Variants in PHAX observed in about 807,000 individuals in gnomAD.
PHAX encodes phosphorylated adapter RNA export protein.
In PHAX, 31 loss-of-function variants were observed where a neutral mutation model predicts 41.6. That is an observed-to-expected ratio of 0.75 (90% CI 0.56 to 1.01). The LOEUF (loss-of-function observed/expected upper bound fraction) is 1.01, where lower values mean the gene tolerates loss of function less well. PHAX is among the 50% of genes least tolerant of loss of function. The probability of loss-of-function intolerance (pLI) is 0.00; values close to 1 mark genes in which losing one functional copy is unlikely to be tolerated. For missense variants in PHAX, 453 were observed against 472.9 expected (o/e 0.96, Z 0.39); for synonymous variants, 175 against 164.9 (o/e 1.06, Z -0.47).
At chr5:126,606,552 G>A (rs1751989752) in intron 2 of PHAX, among the ~76,000 whole-genome samples, 1 of 152,154 alleles carries the variant, frequency 6.6e-6, no homozygotes, top group African/African-American at 2.4e-5. Flanking sequence ...GTGTATATAT[G>A]CATATATTCA....
At chr5:126,612,626 G>A (rs140707240) in intron 3 of PHAX, among the ~76,000 whole-genome samples, 1,535 of 152,166 alleles carry the variant, frequency 0.01, 9 homozygotes, top group Non-Finnish European at 0.013. Flanking sequence ...GTTTGAACCC[G>A]GGAGGTGGAG....
At chr5:126,601,197 T>A in intron 1 of PHAX, 139 bp downstream of exon 1, 1 of 619,568 alleles carries the variant, frequency 1.6e-6, no homozygotes. Context: ...GTCGGGTCAG[T>A]GGCCGCAGAA....
chr5:126,616,003 A>AC (rs1647263461), intron 3 of PHAX, among the ~76,000 whole-genome samples: 2 of 151,758 alleles, frequency 1.3e-5, no homozygotes, highest in Admixed American at 1.3e-4. Context: ...TGTGAATCCA[A>AC]CATAATATTT....
intron 3 of PHAX, among the ~76,000 whole-genome samples, chr5:126,610,738 G>T (rs1401263315): frequency 1.3e-5 from 2 of 152,092 alleles, no homozygotes; most frequent in Non-Finnish European, 2.9e-5. Flanking sequence ...ACACAGTCTG[G>T]CTCTCTTGCC....
chr5:126,609,045 G>A (rs767157942), intron 3 of PHAX, among the ~76,000 whole-genome samples: 3 of 148,648 alleles, frequency 2.0e-5, no homozygotes, highest in South Asian at 2.1e-4. Flanking sequence ...GCCTGTTGCC[G>A]TATAGTCACC....
At position 126,626,185 on chromosome 5, in the gene PHAX, A is replaced by G. The variant is rs1165778449; in HGVS notation, c.*1341A>G. The G allele has an allele frequency of 6.6e-6, 1 of 152,120 alleles. No homozygotes were observed. The highest frequency in any genetic ancestry group is 1.5e-5 in the Non-Finnish European group (1 of 68,070). 9.4% of individuals were successfully genotyped at this position (152,120 alleles called of 1,614,324 possible). ...GCTTGAGCCCAGGAGTTTGAGACCA[A>G]TCTAGGCAATGTAGTGAGACCCTGT... On this transcript the variant is annotated 3_prime_UTR_variant, in exon 5 of 5. Transcript: ENST00000297540.
intron 4 of PHAX, among the ~76,000 whole-genome samples, chr5:126,621,585 G>A (rs1210877539): frequency 6.6e-6 from 1 of 152,164 alleles, no homozygotes; most frequent in Non-Finnish European, 1.5e-5. Context: ...GTCACCATAT[G>A]TAGAACTTAG....
At position 126,603,584 on chromosome 5, in the gene PHAX, C is replaced by T. The variant is rs1353292283; in HGVS notation, c.111C>T (p.Gly37=). ...TTCACTTGCAGAAAGTGCTAGGTGG[C>T]GACAGTGCTATGAGGGCCTTCCAGA... is the stretch of plus-strand genomic sequence containing the variant. ...RPLQLPKVLG[G]DSAMRAFQNT... Residue 37 remains glycine, a synonymous_variant, in exon 2 of 5, where the codon GGC becomes GGT. Transcript: ENST00000297540. The T allele has an allele frequency of 1.2e-6, 2 of 1,607,132 alleles. No individual in the cohort carries two copies. The highest frequency in any genetic ancestry group is 8.5e-7 in the Non-Finnish European group (1 of 1,174,424).
At chr5:126,614,293 T>A (rs1473768757) in intron 3 of PHAX, among the ~76,000 whole-genome samples, 2 of 152,008 alleles carry the variant, frequency 1.3e-5, no homozygotes, top group East Asian at 3.9e-4. Flanking sequence ...GAAACAGGGT[T>A]TCACCATGTT....
chr5:126,602,523 G>A (rs1052638876), intron 1 of PHAX, among the ~76,000 whole-genome samples: 1 of 152,248 alleles, frequency 6.6e-6, no homozygotes, highest in Non-Finnish European at 1.5e-5. Flanking sequence ...AAGATAGGAA[G>A]ATAGATAGTC....
chr5:126,606,015 C>G (rs1296524991), intron 2 of PHAX, among the ~76,000 whole-genome samples: 1 of 152,296 alleles, frequency 6.6e-6, no homozygotes. Context: ...TATAGTTAAT[C>G]CCTGTTCTCA....
chr5:126,626,564 C>T lies in PHAX; in HGVS notation c.*1720C>T, dbSNP rs1752356503. ...CCATCCTGGCCAACATGGTGAAACC[C>T]TGTCTCTATTAAAAATACAAAAATT... On this transcript the variant is annotated 3_prime_UTR_variant, in exon 5 of 5. Transcript: ENST00000297540. 6.6e-6 allele frequency: 1 copy of T among 152,058 alleles called. No individual in the cohort carries two copies. Among genetic ancestry groups the T allele is most frequent in the African/African-American group, 2.4e-5 (1 of 41,340 alleles). 9.4% of individuals were successfully genotyped at this position (152,058 alleles called of 1,614,324 possible).
intron 4 of PHAX, among the ~76,000 whole-genome samples, chr5:126,620,699 T>A (rs1470082780): frequency 6.6e-6 from 1 of 152,100 alleles, no homozygotes; most frequent in Non-Finnish European, 1.5e-5. Flanking sequence ...ACACTTGGAA[T>A]ATCTAATAAT....
At position 126,618,378 on chromosome 5, in the gene PHAX, C is replaced by T. The variant is rs1047771769; in HGVS notation, c.915+1045C>T. 4.0e-5 allele frequency among the ~76,000 whole-genome samples: 6 copies of T among 150,882 alleles called. No homozygotes were observed. In the East Asian group the frequency reaches 1.2e-3, roughly 29 times the overall value. ...AACACTTCAGCTTGGTGCCATCCCC[C>T]ACCAAAAAAAAAATACAAAAAAAAA... is the stretch of plus-strand genomic sequence containing the variant. On this transcript the variant is annotated intron_variant, in intron 4 of 4. Transcript: ENST00000297540.
chr5:126,608,909 C>T (rs922132678), intron 3 of PHAX, among the ~76,000 whole-genome samples: 2 of 150,630 alleles, frequency 1.3e-5, no homozygotes, highest in South Asian at 4.2e-4. Flanking sequence ...TGCACTCCAT[C>T]CTGGGCAACA....
At position 126,608,937 on chromosome 5, in the gene PHAX, C is replaced by CAA. The variant is rs558172468; in HGVS notation, c.831+463_831+464dup. Among the ~76,000 whole-genome samples the CAA allele has an allele frequency of 6.0e-3, 730 of 121,466 alleles. 4 individuals are homozygous for CAA. Among genetic ancestry groups the CAA allele is most frequent in the South Asian group, 0.017 (66 of 3,874 alleles). The allele number at this position is 121,466 out of a possible 152,430, so 79.7% of individuals were successfully genotyped here. Reference sequence around the variant, plus strand: ...GGGCAACAGGAGCGAAACTCCGTCTCAAAAAAAAAAAGAATAAAAAGAAAA... The same window carrying CAA: ...GGGCAACAGGAGCGAAACTCCGTCTCAAAAAAAAAAAAAGAATAAAAAGAAAA... On this transcript the variant is annotated intron_variant, in intron 3 of 4. Coordinates refer to ENST00000297540, the MANE Select transcript of PHAX (RefSeq NM_032177.4).
chr5:126,614,649 A>C (rs1056106981), intron 3 of PHAX, among the ~76,000 whole-genome samples: 4 of 151,964 alleles, frequency 2.6e-5, no homozygotes, highest in Non-Finnish European at 5.9e-5. Context: ...AAGATGACAA[A>C]ATTTTTTTGT....
At chr5:126,602,927 C>A (rs1328261222) in intron 1 of PHAX, among the ~76,000 whole-genome samples, 1 of 151,686 alleles carries the variant, frequency 6.6e-6, no homozygotes, top group African/African-American at 2.4e-5. Context: ...ATGGTGTGAA[C>A]CCGGGAGGCG....
chr5:126,622,044 C>T (rs1028622935), intron 4 of PHAX, among the ~76,000 whole-genome samples: 2 of 151,846 alleles, frequency 1.3e-5, no homozygotes, highest in African/African-American at 4.8e-5. Flanking sequence ...CTTGGCTCAT[C>T]CTGGGTTCAA....
Sources: allele counts gnomAD v4.1 joint callset (sites outside exome capture counted in the v4.1 genomes callset), GRCh38; gene constraint gnomAD v4.1.1; transcripts MANE v1.5; gene names NCBI Gene and HGNC (gene_info 2026-07-23, HGNC 2026-07-21).